PSMC3: variants seen among roughly 807,000 people sequenced by gnomAD.
PSMC3 encodes 26S proteasome regulatory subunit 6A.
A neutral mutation model predicts 52.0 loss-of-function variants in PSMC3; 11 were observed. That is an observed-to-expected ratio of 0.21 (90% CI 0.13 to 0.35). The LOEUF is 0.35. Among genes scored for constraint, PSMC3 ranks in the 10% least tolerant of loss-of-function variants. The pLI, the probability that PSMC3 is intolerant of heterozygous loss-of-function variation, is 1.00. For synonymous variants in PSMC3, 201 were observed against 218.8 expected, an observed-to-expected ratio of 0.92 and a Z score of 0.72; for missense variants, 238 against 567.1, an observed-to-expected ratio of 0.42 and a Z score of 5.89.
At chr11:47,425,012 C>T in intron 3 of PSMC3, 109 bp downstream of exon 3, 1 of 1,490,596 alleles carries the variant, frequency 6.7e-7, no homozygotes, top group Non-Finnish European at 9.2e-7. Context: ...GTAGCTCTGA[C>T]ATGCAGTTTG....
chr11:47,423,067 A>C (rs2096042521), intron 6 of PSMC3, 94 bp from the exon 7 acceptor site: 1 of 1,299,062 alleles, frequency 7.7e-7, no homozygotes, highest in Admixed American at 2.3e-5. Flanking sequence ...CATCCCTCCT[A>C]CTCTAACTCA....
Position 47,424,302 on chromosome 11 carries a change from C to A in PSMC3, c.454-119G>T. On this transcript the variant is annotated intron_variant, in intron 5 of 11. Transcript: ENST00000298852. The surrounding 1 kb of genome is among the most constrained non-coding windows in gnomAD (Gnocchi z 4.8). ...ACTGGGCAATACAAGAATCAAACAG[C>A]AAGTAGACAGAATCCCAGACTCTCG... The A allele has an allele frequency of 1.3e-6, 2 of 1,556,980 alleles. No homozygotes were observed. Among genetic ancestry groups the A allele is most frequent in the South Asian group, 1.1e-5 (1 of 89,594 alleles).
intron 11 of PSMC3, 80 bp from the exon 12 acceptor site, chr11:47,419,025 C>CA (rs2096036675): frequency 6.2e-7 from 1 of 1,604,822 alleles, no homozygotes; most frequent in Admixed American, 1.7e-5. Context: ...CCTCTTCCCT[C>CA]AGCCGTCTCC....
At position 47,422,561 on chromosome 11, in the gene PSMC3, G is replaced by A. The variant is rs2096041854; in HGVS notation, c.884+13C>T. The A allele has an allele frequency of 6.2e-7, 1 of 1,613,710 alleles. No individual in the cohort carries two copies. The highest frequency in any genetic ancestry group is 8.5e-7 in the Non-Finnish European group (1 of 1,179,858). ...GCCACAGAGATCGCTAGGGACCCTT[G>A]GCCCTCCCTTACCGCTTGGTGCCGA... On this transcript the variant is annotated intron_variant, in intron 8 of 11. Transcript: ENST00000298852. The surrounding 1 kb of genome is among the most constrained non-coding windows in gnomAD (Gnocchi z 4.3).
intron 2 of PSMC3, chr11:47,425,559 G>T: frequency 1.9e-6 from 1 of 539,312 alleles, no homozygotes; most frequent in Non-Finnish European, 3.3e-6. Context: ...AACCTCTCTG[G>T]GCCTGTCTCC....
At chr11:47,426,100 C>A in intron 1 of PSMC3, 105 bp downstream of exon 1, 1 of 1,444,500 alleles carries the variant, frequency 6.9e-7, no homozygotes, top group Non-Finnish European at 9.5e-7. Context: ...AACCCCGTCC[C>A]CGGGATCGGG....
intron 6 of PSMC3, 150 bp from the exon 7 acceptor site, chr11:47,423,123 G>C (rs995305800): frequency 2.3e-6 from 2 of 865,142 alleles, no homozygotes; most frequent in Non-Finnish European, 1.7e-6. Flanking sequence ...CACAAGGCTG[G>C]GCGCGGTGGC....
In PSMC3 at chr11:47,418,907, G is replaced by C; in HGVS notation, c.1248C>G (p.Thr416=). The C allele has an allele frequency of 1.9e-6, 3 of 1,614,194 alleles. No individual in the cohort carries two copies. Among genetic ancestry groups the C allele is most frequent in the Non-Finnish European group, 1.7e-6 (2 of 1,180,026 alleles). ...IALRRGATEL[T]HEDYMEGILE... is the part of the protein sequence containing the mutation. ...GGATGCCTTCCATGTAGTCCTCGTG[G>C]GTGAGCTCCGTGGCACCCCTGCGCA... The change falls in exon 12 of 12, where the codon ACC becomes ACG. Residue 416 remains threonine, a synonymous_variant. Transcript: ENST00000298852.
At chr11:47,423,925 C>T in intron 6 of PSMC3, 121 bp downstream of exon 6, 4 of 1,392,278 alleles carry the variant, frequency 2.9e-6, no homozygotes, top group Non-Finnish European at 4.0e-6. Flanking sequence ...ACATGGCACC[C>T]CTCCCTTCCT....
At chr11:47,419,260 A>C in intron 10 of PSMC3, 63 bp from the exon 11 acceptor site, 3 of 1,540,020 alleles carry the variant, frequency 1.9e-6, no homozygotes, top group Non-Finnish European at 2.7e-6. Flanking sequence ...GGGGCCAAAT[A>C]TCCTCCCCTG....
intron 8 of PSMC3, among the ~76,000 whole-genome samples, chr11:47,421,048 C>T (rs1449728704): frequency 6.6e-6 from 1 of 151,966 alleles, no homozygotes; most frequent in Non-Finnish European, 1.5e-5. Context: ...AGTTCGAGAC[C>T]AGCCTGGCCA....
In PSMC3 at chr11:47,424,299, C is replaced by G; in HGVS notation, c.454-116G>C. 6.4e-7 allele frequency: 1 copy of G among 1,560,344 alleles called. No individual in the cohort carries two copies. The highest frequency in any genetic ancestry group is 8.8e-7 in the Non-Finnish European group (1 of 1,132,274). ...AGGACTGGGCAATACAAGAATCAAACAGCAAGTAGACAGAATCCCAGACTC... is the reference window on the plus strand; with the variant it reads ...AGGACTGGGCAATACAAGAATCAAAGAGCAAGTAGACAGAATCCCAGACTC... On this transcript the variant is annotated intron_variant, in intron 5 of 11. Coordinates refer to ENST00000298852, the MANE Select transcript of PSMC3 (RefSeq NM_002804.5). The surrounding 1 kb of genome is among the most constrained non-coding windows in gnomAD (Gnocchi z 4.8).
In PSMC3 at chr11:47,424,294, T is replaced by A; in HGVS notation, c.454-111A>T. 1 of 1,564,480 alleles carries A rather than the reference T, an allele frequency of 6.4e-7. No individual in the cohort carries two copies. The highest frequency in any genetic ancestry group is 8.8e-7 in the Non-Finnish European group (1 of 1,136,038). On this transcript the variant is annotated intron_variant, in intron 5 of 11. Coordinates refer to ENST00000298852, the MANE Select transcript of PSMC3 (RefSeq NM_002804.5). The surrounding 1 kb of genome is among the most constrained non-coding windows in gnomAD (Gnocchi z 4.8). ...GACACAGGACTGGGCAATACAAGAA[T>A]CAAACAGCAAGTAGACAGAATCCCA...
chr11:47,419,642 A>C (rs542376720), intron 10 of PSMC3, among the ~76,000 whole-genome samples: 1 of 152,102 alleles, frequency 6.6e-6, no homozygotes, highest in African/African-American at 2.4e-5. Context: ...GGCGGATCAC[A>C]AGGTCAGGAA....
chr11:47,421,198 C>T (rs1433172701), intron 8 of PSMC3, among the ~76,000 whole-genome samples: 3 of 128,776 alleles, frequency 2.3e-5, no homozygotes, highest in Admixed American at 1.0e-4. Context: ...TGCAGTGAGC[C>T]GAGATCACGC....
At chr11:47,425,413 T>A in intron 2 of PSMC3, 167 bp from the exon 3 acceptor site, 2 of 813,226 alleles carry the variant, frequency 2.5e-6, no homozygotes, top group Non-Finnish European at 1.9e-6. Flanking sequence ...CCTGCAGAAG[T>A]CAAAAGAGGA....
At chr11:47,423,814 G>C (rs2096043470) in intron 6 of PSMC3, among the ~76,000 whole-genome samples, 1 of 151,550 alleles carries the variant, frequency 6.6e-6, no homozygotes, top group Non-Finnish European at 1.5e-5. Context: ...AAAGGACACT[G>C]GGCCAAGAAC....
Position 47,424,821 on chromosome 11 carries a change from C to T in PSMC3, c.286-110G>A. 9.8e-7 allele frequency: 1 copy of T among 1,019,208 alleles called. No homozygotes were observed. Among genetic ancestry groups the T allele is most frequent in the South Asian group, 1.4e-5 (1 of 72,880 alleles). 63.1% of individuals were successfully genotyped at this position (1,019,208 alleles called of 1,614,324 possible). A position where few individuals can be genotyped will look rare whatever the true frequency, so the allele number is the denominator to read the frequency against. On this transcript the variant is annotated intron_variant, in intron 3 of 11. Coordinates refer to ENST00000298852, the MANE Select transcript of PSMC3 (RefSeq NM_002804.5). The surrounding 1 kb of genome is among the most constrained non-coding windows in gnomAD (Gnocchi z 4.8). ...CATCCTTACCTCCCTCCTCCAATAG[C>T]CCTGAGCCCACCAAACGTGGGTGCC... is the stretch of plus-strand genomic sequence containing the variant.
chr11:47,420,432 T>C (rs375699562), intron 9 of PSMC3, 23 bp from the exon 10 acceptor site: 4 of 1,603,986 alleles, frequency 2.5e-6, no homozygotes, highest in Non-Finnish European at 3.4e-6. Context: ...AGCCACAACT[T>C]GAAAGGAGCA....
Sources: gnomAD v4.1 joint callset for allele counts (sites outside exome capture counted in the v4.1 genomes callset) on GRCh38, gnomAD v4.1.1 for gene constraint, Gnocchi (gnomAD v3.1) non-coding constraint, MANE v1.5 for transcripts, NCBI Gene and HGNC (gene_info 2026-07-23, HGNC 2026-07-21) for gene names.